RALYL: variants seen among roughly 807,000 people sequenced by gnomAD.
RALYL encodes the protein RALY RNA binding protein like, also known as RNA-binding Raly-like protein.
A neutral mutation model predicts 35.1 loss-of-function variants in RALYL; 29 were observed. The ratio of observed to expected loss-of-function variants is 0.83; its 90% CI spans 0.61 to 1.13. The LOEUF is 1.13. Ranked by LOEUF, RALYL falls within the 50% of genes most tolerant of loss-of-function variation. The probability of loss-of-function intolerance (pLI) is 0.00; values close to 1 mark genes in which losing one functional copy is unlikely to be tolerated. For synonymous variants in RALYL, 120 were observed against 127.6 expected (o/e 0.94, Z 0.40); for missense variants, 359 against 360.4 (o/e 1.00, Z 0.03).
At chr8:84,318,066 T>A (rs993729051) in intron 1 of RALYL, among the ~76,000 whole-genome samples, 1 of 152,222 alleles carries the variant, frequency 6.6e-6, no homozygotes, top group Non-Finnish European at 1.5e-5. Flanking sequence ...ATGTCTACCT[T>A]AATTTACTAT....
At chr8:84,721,741 C>T (rs1447664670) in intron 2 of RALYL, among the ~76,000 whole-genome samples, 1 of 152,110 alleles carries the variant, frequency 6.6e-6, no homozygotes, top group African/African-American at 2.4e-5. Flanking sequence ...AAGTCCAGGA[C>T]ATACTGGCTG....
chr8:84,915,688 C>A (rs1563862067), intron 8 of RALYL, among the ~76,000 whole-genome samples: 1 of 152,206 alleles, frequency 6.6e-6, no homozygotes, highest in South Asian at 2.1e-4. Context: ...CGATACTAAT[C>A]ACCAGCTTCA....
At chr8:84,215,328 A>ATGGC (rs1820543431) in intron 1 of RALYL, among the ~76,000 whole-genome samples, 1 of 152,112 alleles carries the variant, frequency 6.6e-6, no homozygotes, top group Non-Finnish European at 1.5e-5. Flanking sequence ...AAATATGGAA[A>ATGGC]CATTTTATTG....
intron 1 of RALYL, among the ~76,000 whole-genome samples, chr8:84,486,304 T>C (rs2054620303): frequency 6.7e-6 from 1 of 149,864 alleles, no homozygotes; most frequent in African/African-American, 2.4e-5. Flanking sequence ...ATTTTAAAAA[T>C]ATTCTTAGAA....
Position 84,370,138 on chromosome 8 carries a change from C to G in RALYL, c.-23-159161C>G, listed in dbSNP as rs138430009. Among the ~76,000 whole-genome samples, 6 of 152,178 alleles carry G rather than the reference C, an allele frequency of 3.9e-5. No individual in the cohort carries two copies. In the East Asian group the frequency reaches 1.2e-3, roughly 29 times the overall value. On this transcript the variant is annotated intron_variant, in intron 1 of 8. Coordinates refer to ENST00000521268, the MANE Select transcript of RALYL (RefSeq NM_173848.7). ...CATTTTGTTTCTAAGGGCAGGTATACAATTTTTGTTCTAGGATGTATTAAA... is the reference window on the plus strand; with the variant it reads ...CATTTTGTTTCTAAGGGCAGGTATAGAATTTTTGTTCTAGGATGTATTAAA...
chr8:84,253,897 A>G (rs75976912), intron 1 of RALYL, among the ~76,000 whole-genome samples: 4,414 of 152,182 alleles, frequency 0.029, 93 homozygotes, highest in East Asian at 0.12. Flanking sequence ...GTGACATACT[A>G]TTGCCTCTCC....
chr8:84,646,637 G>T (rs145771790), intron 2 of RALYL, among the ~76,000 whole-genome samples: 27 of 152,118 alleles, frequency 1.8e-4, no homozygotes, highest in Non-Finnish European at 3.7e-4. Flanking sequence ...TTTCAGTTCA[G>T]CCCAAATCTG....
At chr8:84,390,034 T>G (rs1043560638) in intron 1 of RALYL, among the ~76,000 whole-genome samples, 2 of 152,192 alleles carry the variant, frequency 1.3e-5, no homozygotes, top group Admixed American at 6.5e-5. Context: ...ACCTCATTTA[T>G]TGACAGTTTT....
intron 1 of RALYL, among the ~76,000 whole-genome samples, chr8:84,226,342 AG>A (rs556158454): frequency 7.8e-4 from 119 of 152,222 alleles, no homozygotes; most frequent in African/African-American, 2.7e-3. Flanking sequence ...GGTGCCAAAA[AG>A]GTTGGAGATC....
intron 8 of RALYL, among the ~76,000 whole-genome samples, chr8:84,901,989 G>T (rs1451695331): frequency 6.6e-6 from 1 of 152,084 alleles, no homozygotes; most frequent in Non-Finnish European, 1.5e-5. Context: ...AGAACAAAGG[G>T]TTTCTTAACT....
intron 1 of RALYL, among the ~76,000 whole-genome samples, chr8:84,399,307 C>G (rs2042660488): frequency 6.6e-6 from 1 of 152,106 alleles, no homozygotes; most frequent in South Asian, 2.1e-4. Flanking sequence ...GTTAGTGCCC[C>G]CATTTTATAG....
chr8:84,470,231 A>G (rs1429461255), intron 1 of RALYL, among the ~76,000 whole-genome samples: 3 of 152,160 alleles, frequency 2.0e-5, no homozygotes, highest in Non-Finnish European at 2.9e-5. Context: ...ATCCACTTGC[A>G]TAGAATATAG....
intron 1 of RALYL, among the ~76,000 whole-genome samples, chr8:84,226,203 T>G (rs1823840429): frequency 6.6e-6 from 1 of 152,144 alleles, no homozygotes; most frequent in Non-Finnish European, 1.5e-5. Flanking sequence ...GGTTGCATGC[T>G]TCTTATGAGA....
intron 2 of RALYL, among the ~76,000 whole-genome samples, chr8:84,715,371 C>A (rs1331842729): frequency 6.6e-6 from 1 of 151,690 alleles, no homozygotes; most frequent in Non-Finnish European, 1.5e-5. Context: ...GATTTTATTT[C>A]TAATCTCTAG....
intron 1 of RALYL, among the ~76,000 whole-genome samples, chr8:84,408,209 G>A (rs1034133517): frequency 1.6e-4 from 24 of 152,104 alleles, no homozygotes; most frequent in African/African-American, 5.5e-4. Flanking sequence ...CAAAATGGAA[G>A]GAATTTTTTC....
At chr8:84,652,748 T>A (rs1366238690) in intron 2 of RALYL, among the ~76,000 whole-genome samples, 1 of 152,064 alleles carries the variant, frequency 6.6e-6, no homozygotes, top group South Asian at 2.1e-4. Context: ...AAAACTTTTG[T>A]CCAATCTGTC....
chr8:84,787,486 G>A (rs932346905), intron 3 of RALYL, among the ~76,000 whole-genome samples: 4 of 152,138 alleles, frequency 2.6e-5, no homozygotes, highest in African/African-American at 9.7e-5. Context: ...AAACATACAT[G>A]CGCATGTGTC....
At chr8:84,881,338 A>G (rs1249573098) in intron 7 of RALYL, among the ~76,000 whole-genome samples, 1 of 152,002 alleles carries the variant, frequency 6.6e-6, no homozygotes, top group East Asian at 1.9e-4. Flanking sequence ...GTATGCAAAA[A>G]CAATGATTCA....
At chr8:84,361,456 C>T (rs1033222952) in intron 1 of RALYL, among the ~76,000 whole-genome samples, 1 of 152,144 alleles carries the variant, frequency 6.6e-6, no homozygotes, top group African/African-American at 2.4e-5. Flanking sequence ...GAAACTGGGA[C>T]AACAGACCTG....
Sources: allele counts gnomAD v4.1 joint callset (sites outside exome capture counted in the v4.1 genomes callset), GRCh38; gene constraint gnomAD v4.1.1; transcripts MANE v1.5; gene names NCBI Gene and HGNC (gene_info 2026-07-23, HGNC 2026-07-21).